The following IDE variants were observed in gnomAD, a reference collection of about 807,000 sequenced individuals.
IDE encodes the protein insulin degrading enzyme.
A neutral mutation model predicts 133.2 loss-of-function variants in IDE; 58 were observed. The ratio of observed to expected loss-of-function variants is 0.44; its 90% CI spans 0.35 to 0.54. IDE has a LOEUF of 0.54. Ranked by LOEUF, IDE falls within the 20% of genes least tolerant of loss-of-function variation. The pLI, the probability that IDE is intolerant of heterozygous loss-of-function variation, is 0.00. For synonymous variants in IDE, 396 were observed against 421.3 expected (o/e 0.94, Z 0.73); for missense variants, 981 against 1,234.0 (o/e 0.79, Z 3.07).
intron 1 of IDE, among the ~76,000 whole-genome samples, chr10:92,569,754 A>G (rs1364562006): frequency 6.6e-6 from 1 of 152,214 alleles, no homozygotes; most frequent in East Asian, 1.9e-4. Context: ...TGTACTGAGT[A>G]CCTACTATGT....
intron 23 of IDE, 57 bp from the exon 24 acceptor site, chr10:92,455,700 C>CAAAA: frequency 1.9e-5 from 14 of 729,826 alleles, no homozygotes; most frequent in Admixed American, 2.7e-5. Flanking sequence ...CACAAAAGAA[C>CAAAA]AAAAAAAAAA....
intron 1 of IDE, chr10:92,573,284 C>T (rs943798949): frequency 1.8e-6 from 1 of 552,428 alleles, no homozygotes; most frequent in Non-Finnish European, 2.3e-6. Context: ...TCTCTCGGAG[C>T]TCCGGTTGTC....
intron 1 of IDE, among the ~76,000 whole-genome samples, chr10:92,546,894 T>C (rs185562187): frequency 5.6e-4 from 86 of 152,338 alleles, no homozygotes; most frequent in Non-Finnish European, 1.3e-4. Context: ...TTTCAATATT[T>C]ATACCAAACA....
At chr10:92,539,408 G>A (rs1167224966) in intron 1 of IDE, among the ~76,000 whole-genome samples, 1 of 152,048 alleles carries the variant, frequency 6.6e-6, no homozygotes, top group Admixed American at 6.5e-5. Context: ...AACATATTGG[G>A]GCTATGTTAG....
intron 1 of IDE, among the ~76,000 whole-genome samples, chr10:92,549,324 C>T (rs1207550950): frequency 6.6e-6 from 1 of 152,022 alleles, no homozygotes; most frequent in African/African-American, 2.4e-5. Flanking sequence ...GCTTATAGTT[C>T]TGATTTTATT....
intron 1 of IDE, among the ~76,000 whole-genome samples, chr10:92,552,580 C>T (rs1182504379): frequency 1.3e-5 from 2 of 152,102 alleles, no homozygotes; most frequent in Non-Finnish European, 2.9e-5. Flanking sequence ...ATTTTCTGCT[C>T]AGGTGAGTTG....
intron 1 of IDE, among the ~76,000 whole-genome samples, chr10:92,572,416 G>GTCT (rs1228797584): frequency 2.6e-5 from 4 of 152,148 alleles, no homozygotes; most frequent in African/African-American, 9.7e-5. Context: ...GTTCCATAGA[G>GTCT]TCTTCATTTG....
chr10:92,472,206 G>A (rs1334269022), intron 17 of IDE, among the ~76,000 whole-genome samples: 1 of 152,140 alleles, frequency 6.6e-6, no homozygotes, highest in Non-Finnish European at 1.5e-5. Context: ...TCCATTTTAG[G>A]AAGCCTTCAT....
intron 11 of IDE, among the ~76,000 whole-genome samples, chr10:92,500,710 T>C (rs1564627133): frequency 6.6e-6 from 1 of 152,168 alleles, no homozygotes; most frequent in Non-Finnish European, 1.5e-5. Flanking sequence ...AGCTTTATAC[T>C]AATGTCCTCA....
At chr10:92,534,156 AAAATAT>A (rs1850103159) in intron 3 of IDE, among the ~76,000 whole-genome samples, 1 of 152,280 alleles carries the variant, frequency 6.6e-6, no homozygotes, top group African/African-American at 2.4e-5. Flanking sequence ...AAACACTTTC[AAAATAT>A]CCCCACGGTT....
rs1003154693 is a variant in IDE, at chr10:92,451,742, C to G, written c.*2702G>C. 6.6e-6 allele frequency: 1 copy of G among 152,204 alleles called. No homozygotes were observed. The highest frequency in any genetic ancestry group is 6.5e-5 in the Admixed American group (1 of 15,280). 9.4% of individuals were successfully genotyped at this position (152,204 alleles called of 1,614,324 possible). ...TGGAAAAGTGAGGAACAAGCAGATT[C>G]CTCTTGAAATGCCTGCCTGAGCCAA... On this transcript the variant is annotated 3_prime_UTR_variant, in exon 25 of 25. Transcript: ENST00000265986.
intron 9 of IDE, among the ~76,000 whole-genome samples, chr10:92,506,856 C>T (rs943957045): frequency 6.6e-6 from 1 of 152,110 alleles, no homozygotes; most frequent in African/African-American, 2.4e-5. Flanking sequence ...TGTGAAAGAA[C>T]CTTGTGAGAT....
chr10:92,560,870 T>C (rs571185904), intron 1 of IDE, among the ~76,000 whole-genome samples: 2 of 152,176 alleles, frequency 1.3e-5, no homozygotes, highest in South Asian at 4.2e-4. Flanking sequence ...CTTACTTTCC[T>C]AGAAGCAAAG....
At chr10:92,552,241 C>G (rs118139391) in intron 1 of IDE, among the ~76,000 whole-genome samples, 1,779 of 152,200 alleles carry the variant, frequency 0.012, 21 homozygotes, top group Middle Eastern at 0.037. Context: ...AAATGTTTCT[C>G]ACAGGTGAGC....
intron 1 of IDE, among the ~76,000 whole-genome samples, chr10:92,566,370 G>A (rs1843545251): frequency 6.6e-6 from 1 of 150,914 alleles, no homozygotes; most frequent in African/African-American, 2.4e-5. Flanking sequence ...CCACCTAGGA[G>A]TGACAGAGTC....
intron 22 of IDE, among the ~76,000 whole-genome samples, chr10:92,457,329 G>A (rs1564587099): frequency 1.3e-5 from 2 of 152,268 alleles, no homozygotes; most frequent in South Asian, 4.1e-4. Flanking sequence ...ACTCTCCTAT[G>A]TCAGCTCACT....
chr10:92,550,344 A>G (rs1044643089), intron 1 of IDE, among the ~76,000 whole-genome samples: 1 of 152,170 alleles, frequency 6.6e-6, no homozygotes, highest in African/African-American at 2.4e-5. Context: ...AGGTCTTAAA[A>G]AGCCACTTCT....
At chr10:92,499,864 T>A (rs2135503906) in intron 11 of IDE, among the ~76,000 whole-genome samples, 1 of 152,352 alleles carries the variant, frequency 6.6e-6, no homozygotes, top group Non-Finnish European at 1.5e-5. Context: ...AGGTCTATGA[T>A]CTATCTCAAA....
intron 15 of IDE, among the ~76,000 whole-genome samples, chr10:92,476,385 G>A (rs576229767): frequency 2.6e-5 from 4 of 152,238 alleles, no homozygotes; most frequent in African/African-American, 9.6e-5. Context: ...ATGTTAGTCA[G>A]GCTGGTCTTG....
Sources: allele counts gnomAD v4.1 joint callset (sites outside exome capture counted in the v4.1 genomes callset), GRCh38; gene constraint gnomAD v4.1.1; transcripts MANE v1.5; gene names NCBI Gene and HGNC (gene_info 2026-07-23, HGNC 2026-07-21).